The following ORC2 variants were observed in gnomAD, a reference collection of about 807,000 sequenced individuals.
ORC2 encodes origin recognition complex subunit 2.
A neutral mutation model predicts 77.7 loss-of-function variants in ORC2; 37 were observed. That is an observed-to-expected ratio of 0.48 (90% CI 0.37 to 0.63). ORC2 has a LOEUF of 0.63. Ranked by LOEUF, ORC2 falls within the 20% of genes least tolerant of loss-of-function variation. The probability of loss-of-function intolerance (pLI) is 0.00; values close to 1 mark genes in which losing one functional copy is unlikely to be tolerated. For missense variants in ORC2, 557 were observed against 661.9 expected, an observed-to-expected ratio of 0.84 and a Z score of 1.74; for synonymous variants, 201 against 229.5, an observed-to-expected ratio of 0.88 and a Z score of 1.12.
intron 7 of ORC2, among the ~76,000 whole-genome samples, chr2:200,940,822 A>C (rs1227674849): frequency 2.0e-5 from 3 of 152,112 alleles, no homozygotes; most frequent in African/African-American, 7.2e-5. Context: ...AAACAAACAA[A>C]GAAAAAACCC....
intron 17 of ORC2, among the ~76,000 whole-genome samples, 161 bp from the exon 18 acceptor site, chr2:200,911,548 A>G (rs889351663): frequency 6.6e-6 from 1 of 152,240 alleles, no homozygotes; most frequent in Non-Finnish European, 1.5e-5. Flanking sequence ...ATACTTAAAT[A>G]TATGGAGTTA....
intron 15 of ORC2, among the ~76,000 whole-genome samples, 173 bp from the exon 16 acceptor site, chr2:200,914,165 CTTTTTT>C (rs1158874227): frequency 7.4e-6 from 1 of 134,858 alleles, no homozygotes. Context: ...TTTCTAATTT[CTTTTTT>C]TTTTTTTTTT....
rs1201445216 is a variant in ORC2, at chr2:200,941,248, C to T, written c.453G>A (p.Lys151=). ...GHSASDKVQP[K]NNDKSEFLST... ...TTTTGCTTTTTAGTCAATTGCTTAC[C>T]TTCGGTTGAACCTTGTCTGAAGCAG... is the stretch of plus-strand genomic sequence containing the variant. Residue 151 remains lysine, a splice_region_variant and synonymous_variant, in exon 7 of 18, where the codon AAG becomes AAA. Transcript: ENST00000234296. 6.2e-7 allele frequency: 1 copy of T among 1,609,522 alleles called. No individual in the cohort carries two copies. The highest frequency in any genetic ancestry group is 8.5e-7 in the Non-Finnish European group (1 of 1,176,820).
intron 11 of ORC2, among the ~76,000 whole-genome samples, chr2:200,928,772 C>T (rs2040887037): frequency 6.6e-6 from 1 of 150,884 alleles, no homozygotes; most frequent in Non-Finnish European, 1.5e-5. Flanking sequence ...CGAGATTGCA[C>T]CACTGCACTT....
Position 200,932,387 on chromosome 2 carries a change from T to C in ORC2, c.808-939A>G, listed in dbSNP as rs984173570. Among the ~76,000 whole-genome samples, 3 of 146,794 alleles carry C rather than the reference T, an allele frequency of 2.0e-5. 1 individual carries two copies. In the South Asian group the frequency reaches 6.6e-4, roughly 32 times the overall value. The stretch of plus-strand genomic sequence containing the variant: ...CAGAGTCTTGCTCTGTCACCCAGCC[T>C]GGAGTGTGGTGGCACAATCTCAGCT... On this transcript the variant is annotated intron_variant, in intron 10 of 17. Coordinates refer to ENST00000234296, the MANE Select transcript of ORC2 (RefSeq NM_006190.5).
intron 5 of ORC2, among the ~76,000 whole-genome samples, chr2:200,948,076 T>G (rs1234178193): frequency 2.3e-5 from 3 of 132,506 alleles, no homozygotes; most frequent in African/African-American, 1.0e-4. Context: ...GCCTGGCTAA[T>G]TTTTTTTTTT....
At chr2:200,954,218 G>A (rs925981259) in intron 4 of ORC2, among the ~76,000 whole-genome samples, 3 of 151,942 alleles carry the variant, frequency 2.0e-5, no homozygotes, top group African/African-American at 7.3e-5. Flanking sequence ...ATTTTTAGTA[G>A]AGACACGGTT....
chr2:200,955,421 G>C (rs1323762514), intron 4 of ORC2, among the ~76,000 whole-genome samples: 1 of 152,080 alleles, frequency 6.6e-6, no homozygotes, highest in Non-Finnish European at 1.5e-5. Context: ...ATGTAATTAT[G>C]TTCATTAATA....
intron 12 of ORC2, among the ~76,000 whole-genome samples, chr2:200,926,501 C>T (rs928266260): frequency 6.6e-6 from 1 of 152,150 alleles, no homozygotes; most frequent in Non-Finnish European, 1.5e-5. Context: ...CCCATAATTC[C>T]CTCCTTCAGA....
At chr2:200,945,471 G>GAGAAGCTTCCTGGGAAGCTA (rs1161842251) in intron 5 of ORC2, among the ~76,000 whole-genome samples, 1 of 152,076 alleles carries the variant, frequency 6.6e-6, no homozygotes, top group African/African-American at 2.4e-5. Flanking sequence ...AAAGGAAGCT[G>GAGAAGCTTCCTGGGAAGCTA]AGGCAGGAAA....
chr2:200,946,035 T>C (rs2041243802), intron 5 of ORC2, among the ~76,000 whole-genome samples: 1 of 152,240 alleles, frequency 6.6e-6, no homozygotes, highest in Non-Finnish European at 1.5e-5. Flanking sequence ...CTCTTTTGTT[T>C]ACATTTATTT....
chr2:200,961,653 A>T (rs2041576898), intron 1 of ORC2, among the ~76,000 whole-genome samples: 1 of 152,234 alleles, frequency 6.6e-6, no homozygotes, highest in South Asian at 2.1e-4. Context: ...AGTCAGCATA[A>T]TCTACATTAT....
At chr2:200,934,066 G>T in intron 9 of ORC2, 92 bp from the exon 10 acceptor site, 1 of 600,870 alleles carries the variant, frequency 1.7e-6, no homozygotes, top group African/African-American at 1.8e-5. Context: ...AATAGGACAC[G>T]TGAAATTCTT....
At chr2:200,925,613 C>A (rs2040827224) in intron 13 of ORC2, among the ~76,000 whole-genome samples, 1 of 152,144 alleles carries the variant, frequency 6.6e-6, no homozygotes, top group Non-Finnish European at 1.5e-5. Context: ...ATGGCACACG[C>A]CTGTGATCTG....
intron 5 of ORC2, 42 bp downstream of exon 5, chr2:200,949,512 G>A (rs778396603): frequency 3.2e-5 from 34 of 1,064,412 alleles, no homozygotes; most frequent in African/African-American, 7.9e-5. Context: ...TCTACCTTAG[G>A]AAAGATGAGT....
Position 200,911,152 on chromosome 2 carries a change from C to A in ORC2, c.*149G>T. The A allele has an allele frequency of 1.7e-6, 1 of 604,410 alleles. No homozygotes were observed. Among genetic ancestry groups the A allele is most frequent in the African/African-American group, 1.9e-5 (1 of 53,932 alleles). 37.4% of individuals were successfully genotyped at this position (604,410 alleles called of 1,614,324 possible). A position where few individuals can be genotyped will look rare whatever the true frequency, so the allele number is the denominator to read the frequency against. ...TACCAGCCAGGCTGATCAAAAAGTTCTAATTGAGGACATCCCCCCCTTCCC... is the reference window on the plus strand; with the variant it reads ...TACCAGCCAGGCTGATCAAAAAGTTATAATTGAGGACATCCCCCCCTTCCC... On this transcript the variant is annotated 3_prime_UTR_variant, in exon 18 of 18. Coordinates refer to ENST00000234296, the MANE Select transcript of ORC2 (RefSeq NM_006190.5).
intron 4 of ORC2, among the ~76,000 whole-genome samples, chr2:200,952,972 C>T (rs776803041): frequency 8.6e-5 from 13 of 151,698 alleles, no homozygotes; most frequent in Non-Finnish European, 1.6e-4. Context: ...ACTAGCCAGG[C>T]ATGGTGGTCC....
intron 4 of ORC2, among the ~76,000 whole-genome samples, chr2:200,950,420 A>T (rs946726771): frequency 2.0e-5 from 3 of 152,190 alleles, no homozygotes; most frequent in African/African-American, 7.2e-5. Context: ...CACAGTGAAC[A>T]TTCATTTCTA....
chr2:200,942,439 G>A (rs922781488), intron 6 of ORC2, among the ~76,000 whole-genome samples: 1 of 152,096 alleles, frequency 6.6e-6, no homozygotes, highest in African/African-American at 2.4e-5. Flanking sequence ...AGGACTTAAA[G>A]ACTATTTCTG....
Sources: allele counts gnomAD v4.1 joint callset (sites outside exome capture counted in the v4.1 genomes callset), GRCh38; gene constraint gnomAD v4.1.1; transcripts MANE v1.5; gene names NCBI Gene and HGNC (gene_info 2026-07-23, HGNC 2026-07-21).